Variants in CHD2 observed in about 807,000 individuals in gnomAD.
CHD2 encodes ATP-dependent chromatin remodeler CHD2.
Under a neutral mutation model 243.9 loss-of-function variants are expected in CHD2, and 28 were observed. The ratio of observed to expected loss-of-function variants is 0.11; its 90% CI spans 0.09 to 0.16. The LOEUF is 0.16. Among genes scored for constraint, CHD2 ranks in the 10% least tolerant of loss-of-function variants. The probability of loss-of-function intolerance (pLI) is 1.00; values close to 1 mark genes in which losing one functional copy is unlikely to be tolerated. For synonymous variants in CHD2, 775 were observed against 779.0 expected, an observed-to-expected ratio of 0.99 and a Z score of 0.09; for missense variants, 1,386 against 2,209.8, an observed-to-expected ratio of 0.63 and a Z score of 7.47.
chr15:92,964,789 A>G (rs1162562624), intron 16 of CHD2, among the ~76,000 whole-genome samples: 5 of 152,240 alleles, frequency 3.3e-5, no homozygotes, highest in Non-Finnish European at 7.3e-5. Context: ...TTCGGCTTAT[A>G]AAGACCATCA....
intron 2 of CHD2, among the ~76,000 whole-genome samples, chr15:92,915,582 TAA>T (rs2052819145): frequency 6.6e-6 from 1 of 152,200 alleles, no homozygotes; most frequent in Non-Finnish European, 1.5e-5. Context: ...AATAAAGTTT[TAA>T]AATAAAAAAG....
chr15:92,939,845 T>A (rs1368923467), intron 7 of CHD2, 127 bp downstream of exon 7: 1 of 1,049,820 alleles, frequency 9.5e-7, no homozygotes, highest in Admixed American at 2.6e-5. Flanking sequence ...CTGAAGTTGT[T>A]TTCAGAAATC....
chr15:92,940,274 C>T (rs549543850), intron 7 of CHD2, among the ~76,000 whole-genome samples: 6 of 152,124 alleles, frequency 3.9e-5, no homozygotes, highest in East Asian at 1.9e-4. Context: ...GACAACAGGG[C>T]GAGACCCTGT....
intron 24 of CHD2, among the ~76,000 whole-genome samples, chr15:92,983,029 T>G (rs557839043): frequency 1.3e-5 from 2 of 152,110 alleles, no homozygotes; most frequent in Admixed American, 1.3e-4. Context: ...ACTGCTGACT[T>G]TTCTTATCTT....
chr15:92,938,704 G>T (rs537488480), intron 6 of CHD2, among the ~76,000 whole-genome samples: 1 of 152,230 alleles, frequency 6.6e-6, no homozygotes, highest in South Asian at 2.1e-4. Context: ...GGAGGTATGA[G>T]AGAAAGAGAT....
rs1030703514 is a variant in CHD2 at position 92,924,200 on chromosome 15, AT to A, written c.63-117del. On this transcript the variant is annotated intron_variant, in intron 2 of 38. Transcript: ENST00000394196. ...TAAAAGTATAAATGTGAATTTGAAG[AT>A]TTTGGTCTTATATTACTAAAATTAC... 8.9e-5 allele frequency: 65 copies of A among 726,866 alleles called. 1 individual carries two copies. In the Admixed American group the frequency reaches 1.5e-3, roughly 17 times the overall value. 45.0% of individuals were successfully genotyped at this position (726,866 alleles called of 1,614,324 possible).
At chr15:92,904,872 A>AT in intron 2 of CHD2, 1 of 1,527,836 alleles carries the variant, frequency 6.5e-7, no homozygotes, top group Non-Finnish European at 8.7e-7. Context: ...TATTTTAGTG[A>AT]AAACCTCTTG....
chr15:92,992,815 T>G (rs2054137992), intron 27 of CHD2, 44 bp from the exon 28 acceptor site: 2 of 1,601,706 alleles, frequency 1.2e-6, no homozygotes, highest in South Asian at 2.2e-5. Flanking sequence ...TTAAGAAGAG[T>G]GGGCACAGGG....
intron 35 of CHD2, 97 bp from the exon 36 acceptor site, chr15:93,012,248 A>G (rs1345478810): frequency 2.9e-6 from 2 of 698,036 alleles, no homozygotes; most frequent in Non-Finnish European, 4.7e-6. Flanking sequence ...TAGGGAGTAT[A>G]CCACAGCAAA....
chr15:92,953,722 C>T (rs751853165), intron 14 of CHD2, 149 bp downstream of exon 14: 96 of 694,916 alleles, frequency 1.4e-4, no homozygotes, highest in Non-Finnish European at 2.0e-4. Flanking sequence ...TTATCTATCA[C>T]AAAAGTGCAA....
chr15:92,940,351 A>T (rs1395678102), intron 7 of CHD2, among the ~76,000 whole-genome samples: 1 of 152,106 alleles, frequency 6.6e-6, no homozygotes, highest in Non-Finnish European at 1.5e-5. Flanking sequence ...GCTACTTGGG[A>T]GGCTGAGGTG....
intron 5 of CHD2, among the ~76,000 whole-genome samples, chr15:92,936,332 A>G (rs1018396567): frequency 1.3e-5 from 2 of 152,240 alleles, no homozygotes; most frequent in Non-Finnish European, 2.9e-5. Flanking sequence ...TTCCCTATAA[A>G]GTGACCCATA....
chr15:92,964,091 T>TC (rs372672330), intron 16 of CHD2, among the ~76,000 whole-genome samples: 49 of 152,356 alleles, frequency 3.2e-4, no homozygotes, highest in African/African-American at 1.1e-3. Flanking sequence ...CATATATCCT[T>TC]CTTTTGTAAT....
At chr15:92,980,155 G>T (rs2053960003) in intron 22 of CHD2, among the ~76,000 whole-genome samples, 1 of 149,962 alleles carries the variant, frequency 6.7e-6, no homozygotes, top group African/African-American at 2.5e-5. Flanking sequence ...AGTGATTCTT[G>T]TGCCTCAGCC....
chr15:93,003,457 AT>A (rs2054282637), intron 33 of CHD2, among the ~76,000 whole-genome samples: 2 of 151,952 alleles, frequency 1.3e-5, no homozygotes. Context: ...GAAAGACATT[AT>A]TTTTCTTAAA....
intron 16 of CHD2, among the ~76,000 whole-genome samples, chr15:92,961,876 C>CTCTTTTT (rs1555441358): frequency 1.3e-5 from 1 of 78,626 alleles, no homozygotes; most frequent in Non-Finnish European, 2.4e-5. Flanking sequence ...TTTTTCTTCT[C>CTCTTTTT]TTTTTTTTTT....
chr15:93,008,721 G>A (rs2054353623), intron 34 of CHD2, among the ~76,000 whole-genome samples: 1 of 152,090 alleles, frequency 6.6e-6, no homozygotes. Context: ...CATCTTATCT[G>A]GAAGCCTTTC....
intron 2 of CHD2, chr15:92,904,836 G>C: frequency 2.0e-6 from 3 of 1,514,124 alleles, no homozygotes; most frequent in East Asian, 2.5e-5. Context: ...TGACCAAAAC[G>C]TTTGAGTGTC....
chr15:92,993,086 TGAG>T (rs1239996185), intron 28 of CHD2, 88 bp downstream of exon 28: 10 of 1,401,094 alleles, frequency 7.1e-6, no homozygotes. Context: ...AGGACAGGCT[TGAG>T]GACCACACAT....
Sources: allele counts gnomAD v4.1 joint callset (sites outside exome capture counted in the v4.1 genomes callset), GRCh38; gene constraint gnomAD v4.1.1; transcripts MANE v1.5; gene names NCBI Gene and HGNC (gene_info 2026-07-23, HGNC 2026-07-21).